KANK1: variants seen among roughly 807,000 people sequenced by gnomAD.
The protein encoded by KANK1 is KN motif and ankyrin repeat domains 1.
KANK1 carries 109 observed loss-of-function variants against 106.2 expected under a neutral mutation model. The ratio of observed to expected loss-of-function variants is 1.03; its 90% confidence interval spans 0.88 to 1.20. KANK1 has a LOEUF of 1.20. KANK1 is among the 50% of genes most tolerant of loss of function. The pLI is 0.00. For synonymous variants in KANK1, 873 were observed against 652.2 expected (o/e 1.34, Z -5.16); for missense variants, 2,399 against 1,710.7 (o/e 1.40, Z -7.10).
At chr9:648,471 T>G (rs1382830817) in intron 1 of KANK1, among the ~76,000 whole-genome samples, 1 of 152,198 alleles carries the variant, frequency 6.6e-6, no homozygotes, top group Non-Finnish European at 1.5e-5. Context: ...AATTCCTTTT[T>G]TATGAAATTT....
chr9:641,052 A>T (rs1424681657), intron 1 of KANK1, among the ~76,000 whole-genome samples: 1 of 152,108 alleles, frequency 6.6e-6, no homozygotes, highest in Non-Finnish European at 1.5e-5. Context: ...CTAAATTTTG[A>T]TGTCAGTTTT....
rs1819770604 is a variant in KANK1, at chr9:573,588, G to A, written c.-84+68834G>A. The stretch of plus-strand genomic sequence containing the variant: ...CCCGGTCAAGGATTTTTTTTTTAAA[G>A]CCAGAAGTAATATAAGTCGGTATCA... On this transcript the variant is annotated intron_variant, in intron 1 of 11. Coordinates refer to ENST00000382297, the MANE Select transcript of KANK1 (RefSeq NM_015158.5). Among the ~76,000 whole-genome samples the A allele has an allele frequency of 2.0e-5, 3 of 151,928 alleles. No homozygotes were observed. In the South Asian group the frequency reaches 6.2e-4, roughly 32 times the overall value.
At chr9:590,587 A>C (rs1824608325) in intron 1 of KANK1, among the ~76,000 whole-genome samples, 1 of 152,008 alleles carries the variant, frequency 6.6e-6, no homozygotes, top group Admixed American at 6.5e-5. Flanking sequence ...AGACCTGTTA[A>C]AAATATGTAA....
At chr9:742,608 C>G (rs191712808) in intron 10 of KANK1, among the ~76,000 whole-genome samples, 1 of 152,258 alleles carries the variant, frequency 6.6e-6, no homozygotes, top group East Asian at 1.9e-4. Context: ...TAAACTAGTA[C>G]CCAAAGCAGA....
chr9:536,787 G>T (rs930144786), intron 1 of KANK1, among the ~76,000 whole-genome samples: 47 of 152,128 alleles, frequency 3.1e-4, no homozygotes, highest in Admixed American at 3.1e-3. Flanking sequence ...ATTAGAAGTT[G>T]GGCACCTTTG....
intron 2 of KANK1, chr9:706,678 G>A: frequency 1.6e-6 from 1 of 630,060 alleles, no homozygotes; most frequent in South Asian, 7.0e-5. Context: ...CAAAGGCTCA[G>A]TTGAAATTAA....
chr9:732,715 C>G, intron 6 of KANK1, 98 bp downstream of exon 6: 1 of 1,375,078 alleles, frequency 7.3e-7, no homozygotes, highest in South Asian at 1.3e-5. Context: ...TAAATGTTTG[C>G]TTTTATCTGT....
At chr9:566,951 C>T (rs1042546778) in intron 1 of KANK1, among the ~76,000 whole-genome samples, 1 of 152,120 alleles carries the variant, frequency 6.6e-6, no homozygotes, top group African/African-American at 2.4e-5. Context: ...AATGGTATTG[C>T]TTAGGTTATC....
intron 1 of KANK1, among the ~76,000 whole-genome samples, chr9:564,735 C>G (rs921177327): frequency 2.0e-5 from 3 of 152,204 alleles, no homozygotes; most frequent in African/African-American, 7.2e-5. Context: ...TCAGGAGATG[C>G]CCTTACTGTT....
In KANK1 at chr9:599,016, T is replaced by C. The variant is rs115156504; in HGVS notation, c.-83-77874T>C. On this transcript the variant is annotated intron_variant, in intron 1 of 11. Coordinates refer to ENST00000382297, the MANE Select transcript of KANK1 (RefSeq NM_015158.5). ...TTTATGAATGATTTGTATTTATTAT[T>C]ATTATTTTTTTTTTTTTTTGAGACG... Among the ~76,000 whole-genome samples, 336 of 136,208 alleles carry C rather than the reference T, an allele frequency of 2.5e-3. 12 individuals carry two copies. The highest frequency in any genetic ancestry group is 8.4e-3 in the African/African-American group (319 of 37,998). 89.4% of individuals were successfully genotyped at this position (136,208 alleles called of 152,430 possible).
chr9:731,378 A>G, intron 5 of KANK1, 112 bp downstream of exon 5: 1 of 595,220 alleles, frequency 1.7e-6, no homozygotes, highest in East Asian at 3.1e-5. Context: ...CAGTGATGAA[A>G]GATTCCCTCC....
chr9:675,313 T>C (rs1001898352), intron 1 of KANK1, among the ~76,000 whole-genome samples: 2 of 152,192 alleles, frequency 1.3e-5, no homozygotes, highest in Admixed American at 6.5e-5. Context: ...TAAGAGGTCA[T>C]GTGGGTTTCT....
intron 1 of KANK1, among the ~76,000 whole-genome samples, chr9:627,493 G>A (rs571309632): frequency 1.5e-3 from 234 of 152,300 alleles, no homozygotes; most frequent in African/African-American, 5.2e-3. Flanking sequence ...TATTCCTGGG[G>A]ACCTAGAATT....
chr9:665,618 C>A (rs1298047719), intron 1 of KANK1, among the ~76,000 whole-genome samples: 2 of 152,114 alleles, frequency 1.3e-5, no homozygotes, highest in African/African-American at 4.8e-5. Context: ...TCCAGCTTTG[C>A]TCTTTTTGCT....
intron 1 of KANK1, among the ~76,000 whole-genome samples, chr9:606,142 TAC>T (rs3028170): frequency 0.24 from 33,506 of 141,436 alleles, 4,250 homozygotes; most frequent in East Asian, 0.5. Context: ...CACATATTCC[TAC>T]ACACACACAC....
intron 3 of KANK1, among the ~76,000 whole-genome samples, chr9:717,634 T>TA (rs138671791): frequency 6.6e-6 from 1 of 152,098 alleles, no homozygotes; most frequent in Non-Finnish European, 1.5e-5. Flanking sequence ...TTTTATAAAA[T>TA]AAAAAAGTTA....
intron 8 of KANK1, among the ~76,000 whole-genome samples, 185 bp from the exon 9 acceptor site, chr9:740,607 G>GA (rs537194296): frequency 1.3e-5 from 2 of 152,160 alleles, no homozygotes; most frequent in Middle Eastern, 3.4e-3. Context: ...GAAATAGGGG[G>GA]AAAAAAAGTT....
rs779713737 is a variant in KANK1 at position 732,430 on chromosome 9, G to A, written c.3058G>A (p.Glu1020Lys). Residue 1020 changes from glutamate to lysine, a missense_variant, in exon 6 of 12, where the codon GAG becomes AAG. Physicochemically the swap from Glu to Lys is moderately conservative, Grantham distance 56 (BLOSUM62 1). Coordinates refer to ENST00000382297, the MANE Select transcript of KANK1 (RefSeq NM_015158.5). ...CAGCTCAGATGAAAGCTCTTCTTCC[G>A]AGTCAGATGACGAGTGTGATGTCAT... ...DSSSDESSSSESDDECDVIEY... is the reference protein window; with the variant it reads ...DSSSDESSSSKSDDECDVIEY... 7.2e-5 allele frequency: 117 copies of A among 1,613,992 alleles called. No individual in the cohort carries two copies. Among genetic ancestry groups the A allele is most frequent in the African/African-American group, 9.3e-5 (7 of 74,910 alleles).
In KANK1 at chr9:743,769, G is replaced by A. The variant is rs561698997; in HGVS notation, c.3898-722G>A. Among the ~76,000 whole-genome samples the A allele has an allele frequency of 2.6e-5, 4 of 152,320 alleles. No individual in the cohort carries two copies. The South Asian group carries it at 8.3e-4, about 32-fold the overall frequency. ...CTCAGATACCGTGGTGGTTGAGGCA[G>A]GAGAATCACTTGAGCCCTGGAGGTC... On this transcript the variant is annotated intron_variant, in intron 10 of 11. Transcript: ENST00000382297.
Sources: gnomAD v4.1 joint callset for allele counts (sites outside exome capture counted in the v4.1 genomes callset) on GRCh38, gnomAD v4.1.1 for gene constraint, MANE v1.5 for transcripts, NCBI Gene and HGNC (gene_info 2026-07-23, HGNC 2026-07-21) for gene names.